The following PRKN variants were observed in gnomAD, a reference collection of about 807,000 sequenced individuals.
The protein encoded by PRKN is parkin RBR E3 ubiquitin protein ligase, also known as E3 ubiquitin-protein ligase parkin.
A neutral mutation model predicts 59.5 loss-of-function variants in PRKN; 56 were observed. The ratio of observed to expected loss-of-function variants is 0.94; its 90% CI spans 0.76 to 1.18. PRKN has a LOEUF of 1.18. Ranked by LOEUF, PRKN falls within the 50% of genes most tolerant of loss-of-function variation. The pLI is 0.00. For missense variants in PRKN, 657 were observed against 596.4 expected (o/e 1.10, Z -1.06); for synonymous variants, 250 against 222.1 (o/e 1.13, Z -1.12).
rs961254176 is a variant in PRKN at position 161,546,616 on chromosome 6, T to G, written c.1083+2238A>C. Among the ~76,000 whole-genome samples, 1 of 152,104 alleles carries G rather than the reference T, an allele frequency of 6.6e-6. No homozygotes were observed. The highest frequency in any genetic ancestry group is 1.9e-4 in the East Asian group (1 of 5,184). On this transcript the variant is annotated intron_variant, in intron 9 of 11. Transcript: ENST00000366898. This position sits in a 1 kb window ranked among gnomAD's most constrained non-coding sequence, Gnocchi z 4.4. The stretch of plus-strand genomic sequence containing the variant: ...CTGTTCTTTTTTCAGCTTCTTCAAA[T>G]TGCAAACTGTGGTGGTTTAAAATAC...
intron 4 of PRKN, among the ~76,000 whole-genome samples, chr6:162,179,949 G>A (rs1239532173): frequency 1.4e-5 from 1 of 72,100 alleles, no homozygotes; most frequent in South Asian, 4.2e-4. Context: ...AGGGGACAGT[G>A]CTTTTTGTTA....
At chr6:161,998,806 T>C (rs571349258) in intron 5 of PRKN, among the ~76,000 whole-genome samples, 4 of 152,264 alleles carry the variant, frequency 2.6e-5, no homozygotes, top group South Asian at 4.1e-4. Context: ...ATTTCCAGTA[T>C]ATTTCCTAAC....
intron 2 of PRKN, among the ~76,000 whole-genome samples, chr6:162,415,305 A>G (rs551749843): frequency 6.6e-6 from 1 of 152,302 alleles, no homozygotes; most frequent in East Asian, 1.9e-4. Flanking sequence ...CAAACAGAAG[A>G]CACAATGTGG....
At chr6:161,534,814 A>G (rs907774775) in intron 9 of PRKN, among the ~76,000 whole-genome samples, 16 of 152,260 alleles carry the variant, frequency 1.1e-4, no homozygotes, top group Non-Finnish European at 5.9e-5. Flanking sequence ...TATTTTAAAT[A>G]TAAGAAAGAA....
intron 6 of PRKN, among the ~76,000 whole-genome samples, chr6:161,965,223 T>A (rs1164662113): frequency 6.6e-6 from 1 of 152,106 alleles, no homozygotes. Flanking sequence ...ATAAGCCGAA[T>A]GAATTTTATT....
At chr6:162,209,290 T>A (rs1348948770) in intron 3 of PRKN, among the ~76,000 whole-genome samples, 1 of 152,104 alleles carries the variant, frequency 6.6e-6, no homozygotes, top group Non-Finnish European at 1.5e-5. Flanking sequence ...GCAAAGGATA[T>A]GAACAGACAC....
chr6:161,788,093 G>A (rs1351296645), intron 6 of PRKN, among the ~76,000 whole-genome samples: 1 of 152,192 alleles, frequency 6.6e-6, no homozygotes, highest in Non-Finnish European at 1.5e-5. Flanking sequence ...GCTTCTGCAG[G>A]CTTTTCCATT....
chr6:161,649,512 G>T (rs1182906670), intron 7 of PRKN, among the ~76,000 whole-genome samples: 6 of 152,140 alleles, frequency 3.9e-5, no homozygotes, highest in Non-Finnish European at 7.3e-5. Context: ...ACAAGCATTT[G>T]GGACATACTT....
intron 1 of PRKN, among the ~76,000 whole-genome samples, chr6:162,514,025 G>A (rs113492773): frequency 4.2e-4 from 64 of 151,606 alleles, no homozygotes; most frequent in African/African-American, 1.5e-3. Context: ...TAGCTTGGGC[G>A]ACACAGCGAG....
chr6:161,858,857 A>ATTTTTTTTTTTT (rs1491531194), intron 6 of PRKN, among the ~76,000 whole-genome samples: 8 of 55,944 alleles, frequency 1.4e-4, no homozygotes, highest in South Asian at 7.0e-4. Flanking sequence ...GCACAGCTGT[A>ATTTTTTTTTTTT]CTTTTTTTTT....
intron 1 of PRKN, among the ~76,000 whole-genome samples, chr6:162,599,716 G>A (rs1781627841): frequency 6.6e-6 from 1 of 152,122 alleles, no homozygotes; most frequent in Non-Finnish European, 1.5e-5. Flanking sequence ...CAGAATATGG[G>A]CAGAACTCTG....
intron 2 of PRKN, among the ~76,000 whole-genome samples, chr6:162,339,240 T>C (rs1583406887): frequency 8.2e-6 from 1 of 121,864 alleles, no homozygotes; most frequent in South Asian, 2.8e-4. Context: ...GGGAGGGAGG[T>C]GGTGGGGGTC....
At chr6:161,897,718 A>G (rs1311122684) in intron 6 of PRKN, among the ~76,000 whole-genome samples, 3 of 152,030 alleles carry the variant, frequency 2.0e-5, no homozygotes. Context: ...GCGGTGGCTC[A>G]CGCCTGTAAT....
At position 162,034,406 on chromosome 6, in the gene PRKN, A is replaced by G. The variant is rs141833289; in HGVS notation, c.618+19685T>C. Among the ~76,000 whole-genome samples the G allele has an allele frequency of 8.3e-4, 126 of 152,238 alleles. 2 individuals carry two copies. The East Asian group carries it at 0.013, about 16-fold the overall frequency. On this transcript the variant is annotated intron_variant, in intron 5 of 11. Coordinates refer to ENST00000366898, the MANE Select transcript of PRKN (RefSeq NM_004562.3). ...TAGAAACTGGGTGTTTCTTGCTCCA[A>G]TGCCTTTAAGGCTATACTGTGCTGT... is the stretch of plus-strand genomic sequence containing the variant.
chr6:162,584,220 AAAAACAAAAAACAAAAAACAAAAAAC>A (rs1324354461), intron 1 of PRKN, among the ~76,000 whole-genome samples: 11,240 of 98,462 alleles, frequency 0.11, 764 homozygotes, highest in Middle Eastern at 0.2. Context: ...CTCAAAAAAA[AAAAACAAAAAACAAAAAACAAAAAAC>A]AAAAAAAAAA....
chr6:162,191,339 C>T (rs989204473), intron 4 of PRKN, among the ~76,000 whole-genome samples: 4 of 152,174 alleles, frequency 2.6e-5, no homozygotes, highest in African/African-American at 9.6e-5. Context: ...CAACATGCTT[C>T]GTTACTATCA....
chr6:161,403,800 T>A (rs1787150304), intron 9 of PRKN, among the ~76,000 whole-genome samples: 1 of 152,166 alleles, frequency 6.6e-6, no homozygotes, highest in Admixed American at 6.5e-5. Flanking sequence ...CCCTCATGAA[T>A]GCATTAATGC....
rs569238773 is a variant in PRKN at position 162,242,208 on chromosome 6, T to C, written c.412+20317A>G. Among the ~76,000 whole-genome samples, 24 of 152,268 alleles carry C rather than the reference T, an allele frequency of 1.6e-4. No homozygotes were observed. The East Asian group carries it at 3.3e-3, about 21-fold the overall frequency. ...TGGACACAAAGACTCATGCACACACTGGGTGACCTCATTTCACTGTTGTAT... is the reference window on the plus strand; with the variant it reads ...TGGACACAAAGACTCATGCACACACCGGGTGACCTCATTTCACTGTTGTAT... On this transcript the variant is annotated intron_variant, in intron 3 of 11. Transcript: ENST00000366898.
rs59174358 is a variant in PRKN, at chr6:161,382,111, C to CAAAAAAAAAA, written c.1167+4673_1167+4682dup. On this transcript the variant is annotated intron_variant, in intron 10 of 11. Transcript: ENST00000366898. Reference sequence around the variant, plus strand: ...TGGGTGAAAGAGCGAGACTCCATCTCAAAAAAAAAAAAAAAAAAAAAATCA... The same window carrying CAAAAAAAAAA: ...TGGGTGAAAGAGCGAGACTCCATCTCAAAAAAAAAAAAAAAAAAAAAAAAAAAAAAAATCA... 7.0e-3 allele frequency among the ~76,000 whole-genome samples: 324 copies of CAAAAAAAAAA among 46,230 alleles called. 8 individuals are homozygous for CAAAAAAAAAA. Among genetic ancestry groups the CAAAAAAAAAA allele is most frequent in the African/African-American group, 0.013 (188 of 14,644 alleles). The allele number at this position is 46,230 out of a possible 152,430, so 30.3% of individuals were successfully genotyped here. A position where few individuals can be genotyped will look rare whatever the true frequency, so the allele number is the denominator to read the frequency against.
Sources: allele counts gnomAD v4.1 joint callset (sites outside exome capture counted in the v4.1 genomes callset), GRCh38; gene constraint gnomAD v4.1.1; non-coding constraint Gnocchi (gnomAD v3.1); transcripts MANE v1.5; gene names NCBI Gene and HGNC (gene_info 2026-07-23, HGNC 2026-07-21).